Variants in FLNB observed in about 807,000 individuals in gnomAD.
The protein encoded by FLNB is filamin-B.
Under a neutral mutation model 250.6 loss-of-function variants are expected in FLNB, and 111 were observed. That is an observed-to-expected ratio of 0.44 (90% CI 0.38 to 0.52). The LOEUF (loss-of-function observed/expected upper bound fraction) is 0.52. Ranked by LOEUF, FLNB falls within the 20% of genes least tolerant of loss-of-function variation. The probability of loss-of-function intolerance (pLI) is 0.00; values close to 1 mark genes in which losing one functional copy is unlikely to be tolerated. For synonymous variants in FLNB, 1,302 were observed against 1,372.1 expected, an observed-to-expected ratio of 0.95 and a Z score of 1.13; for missense variants, 2,869 against 3,447.8, an observed-to-expected ratio of 0.83 and a Z score of 4.20.
chr3:58,027,947 A>G (rs1393867353), intron 1 of FLNB, among the ~76,000 whole-genome samples: 1 of 152,246 alleles, frequency 6.6e-6, no homozygotes, highest in Non-Finnish European at 1.5e-5. Flanking sequence ...AACATGAGGC[A>G]TACTCTCTTT....
At chr3:58,161,796 C>G (rs939007997) in intron 42 of FLNB, among the ~76,000 whole-genome samples, 2 of 151,918 alleles carry the variant, frequency 1.3e-5, no homozygotes, top group Non-Finnish European at 2.9e-5. Flanking sequence ...CTCTTGGTGG[C>G]AGGATGGCTG....
intron 1 of FLNB, among the ~76,000 whole-genome samples, chr3:58,076,276 GA>G (rs1227683703): frequency 2.0e-5 from 3 of 151,962 alleles, no homozygotes; most frequent in Non-Finnish European, 4.4e-5. Context: ...TTAATGAAAA[GA>G]AAAAAATTCC....
intron 29 of FLNB, 60 bp from the exon 30 acceptor site, chr3:58,141,798 G>C: frequency 6.9e-7 from 1 of 1,457,452 alleles, no homozygotes; most frequent in Non-Finnish European, 9.6e-7. Flanking sequence ...TGTGGTGGTA[G>C]TCTACTGAGT....
chr3:58,169,755 G>A lies in FLNB; in HGVS notation c.7583G>A (p.Gly2528Asp), dbSNP rs1000161236. 6.2e-7 allele frequency: 1 copy of A among 1,601,440 alleles called. No individual in the cohort carries two copies. Among genetic ancestry groups the A allele is most frequent in the African/African-American group, 1.3e-5 (1 of 74,544 alleles). Residue 2528 changes from glycine to aspartate, a missense_variant, in exon 45 of 46, where the codon GGC (glycine) becomes GAC (aspartate). Transcript: ENST00000295956. The surrounding 1 kb of genome is among the most constrained non-coding windows in gnomAD (Gnocchi z 4.8). Reference sequence around the variant, plus strand: ...GCAGGGCTCTCAAAGGCCTTTGTGGGCCAGAAGAGTTCCTTCCTGGTGGAC... The same window carrying A: ...GCAGGGCTCTCAAAGGCCTTTGTGGACCAGAAGAGTTCCTTCCTGGTGGAC... ...KGAGLSKAFV[G>D]QKSSFLVDCS...
intron 1 of FLNB, among the ~76,000 whole-genome samples, chr3:58,019,246 A>G (rs2097110286): frequency 6.6e-6 from 1 of 152,194 alleles, no homozygotes; most frequent in Non-Finnish European, 1.5e-5. Context: ...CCAACCACTA[A>G]TCAATGCTAT....
At chr3:58,050,023 T>C (rs1043572520) in intron 1 of FLNB, among the ~76,000 whole-genome samples, 1 of 20,986 alleles carries the variant, frequency 4.8e-5, no homozygotes, top group African/African-American at 2.1e-4. Flanking sequence ...GAAAATGCCT[T>C]TTTTTTTTTT....
In FLNB at chr3:58,123,175, C is replaced by T. The variant is rs201533113; in HGVS notation, c.3209C>T (p.Thr1070Ile). 38 of 1,614,072 alleles carry T rather than the reference C, an allele frequency of 2.4e-5. No homozygotes were observed. In the Admixed American group the frequency reaches 6.3e-4, roughly 27 times the overall value. ...EFTIDTKGAG[T>I]GGLGLTVEGP... ...ACCATCGATACCAAAGGAGCTGGTA[C>T]TGGAGGTCTGGGCTTAACGGTGGAA... The change falls in exon 21 of 46, where the codon ACT becomes ATT. Residue 1070 changes from threonine to isoleucine, a missense_variant. This residue lies in a region of FLNB where 1,348 missense variants were observed against 1,466.7 expected (regional missense o/e 0.92). Coordinates refer to ENST00000295956, the MANE Select transcript of FLNB (RefSeq NM_001457.4).
At chr3:58,070,439 G>A (rs1384739409) in intron 1 of FLNB, among the ~76,000 whole-genome samples, 1 of 152,144 alleles carries the variant, frequency 6.6e-6, no homozygotes, top group Non-Finnish European at 1.5e-5. Flanking sequence ...GAAAAATAAG[G>A]TTCAGAGATG....
At chr3:58,043,598 C>T (rs541718783) in intron 1 of FLNB, among the ~76,000 whole-genome samples, 11 of 152,162 alleles carry the variant, frequency 7.2e-5, no homozygotes, top group Non-Finnish European at 1.2e-4. Flanking sequence ...TCTCTCTCCT[C>T]ATCTCCAGTC....
rs191072304 is a variant in FLNB, at chr3:58,110,593, G to A, written c.2484+423G>A. Among the ~76,000 whole-genome samples the A allele has an allele frequency of 2.0e-5, 3 of 152,166 alleles. No homozygotes were observed. The East Asian group carries it at 5.8e-4, about 29-fold the overall frequency. ...AGCCTCCCAAGTAGCTGGGATTACAGGCCACCACGCCTGGCTAATTTTTTT... is the reference window on the plus strand; with the variant it reads ...AGCCTCCCAAGTAGCTGGGATTACAAGCCACCACGCCTGGCTAATTTTTTT... On this transcript the variant is annotated intron_variant, in intron 16 of 45. Coordinates refer to ENST00000295956, the MANE Select transcript of FLNB (RefSeq NM_001457.4).
intron 1 of FLNB, among the ~76,000 whole-genome samples, chr3:58,076,351 C>T (rs1351454748): frequency 6.6e-6 from 1 of 151,904 alleles, no homozygotes; most frequent in Non-Finnish European, 1.5e-5. Flanking sequence ...TACACACGTG[C>T]ACACACGCAT....
Position 58,134,746 on chromosome 3 carries a change from G to A in FLNB, c.4645G>A (p.Glu1549Lys). ...DFAIDARDAGEGLLAVQITDQ... is the reference protein window; with the variant it reads ...DFAIDARDAGKGLLAVQITDQ... Reference sequence around the variant, plus strand: ...TGCAATTGATGCCCGAGATGCCGGGGAAGGCCTGCTTGCTGTTCAAATAAC... The same window carrying A: ...TGCAATTGATGCCCGAGATGCCGGGAAAGGCCTGCTTGCTGTTCAAATAAC... The change falls in exon 27 of 46, where the codon GAA becomes AAA. Residue 1549 changes from glutamate to lysine, a missense_variant. Around this residue, in one of 5 missense-constraint regions of FLNB, gnomAD observed 126 missense variants for 182.0 expected, o/e 0.69. Transcript: ENST00000295956. 1 of 1,614,172 alleles carries A rather than the reference G, an allele frequency of 6.2e-7. No individual in the cohort carries two copies. Among genetic ancestry groups the A allele is most frequent in the South Asian group, 1.1e-5 (1 of 91,086 alleles).
chr3:58,080,546 G>A (rs183693644), intron 3 of FLNB, among the ~76,000 whole-genome samples: 7 of 149,588 alleles, frequency 4.7e-5, no homozygotes, highest in Admixed American at 6.7e-5. Context: ...ATAGGCTGGA[G>A]TGCAGTGGCA....
rs79738594 is a variant in FLNB at position 58,039,373 on chromosome 3, G to A, written c.292+30517G>A. Among the ~76,000 whole-genome samples the A allele has an allele frequency of 5.2e-3, 793 of 151,652 alleles. 6 individuals are homozygous for A. The highest frequency in any genetic ancestry group is 0.018 in the African/African-American group (748 of 41,368). On this transcript the variant is annotated intron_variant, in intron 1 of 45. Coordinates refer to ENST00000295956, the MANE Select transcript of FLNB (RefSeq NM_001457.4). ...CTTGAGCAAATTTTTAATGGAAAACGGTGTCTTGGTTCTCTGTTCACTACA... is the reference window on the plus strand; with the variant it reads ...CTTGAGCAAATTTTTAATGGAAAACAGTGTCTTGGTTCTCTGTTCACTACA...
chr3:58,044,091 GGGAGAACCTGATTCGGCTT>G (rs2097150052), intron 1 of FLNB, among the ~76,000 whole-genome samples: 1 of 152,200 alleles, frequency 6.6e-6, no homozygotes, highest in Admixed American at 6.5e-5. Flanking sequence ...AGAGACCTCA[GGGAGAACCTGATTCGGCTT>G]GGATTGAGTC....
chr3:58,051,620 T>C (rs1370675450), intron 1 of FLNB, among the ~76,000 whole-genome samples: 2 of 152,144 alleles, frequency 1.3e-5, no homozygotes, highest in Non-Finnish European at 2.9e-5. Context: ...AAATTGCTGA[T>C]ACTCCAGCCC....
rs200349286 is a variant in FLNB at position 58,134,771 on chromosome 3, C to T, written c.4670C>T (p.Thr1557Met). ...AGEGLLAVQI[T>M]DQEGKPKRAI... ...GAAGGCCTGCTTGCTGTTCAAATAA[C>T]GGTAACTTGGAGTTATTTTCTGAGC... is the stretch of plus-strand genomic sequence containing the variant. Residue 1557 changes from threonine to methionine, a missense_variant and splice_region_variant, in exon 27 of 46, where the codon ACG (threonine) becomes ATG (methionine). Thr to Met is a moderately conservative substitution (Grantham distance 81). Transcript: ENST00000295956. The T allele has an allele frequency of 3.3e-5, 54 of 1,613,620 alleles. No homozygotes were observed. Among genetic ancestry groups the T allele is most frequent in the East Asian group, 2.2e-4 (10 of 44,890 alleles).
chr3:58,030,813 C>T (rs754588862), intron 1 of FLNB, among the ~76,000 whole-genome samples: 1 of 152,008 alleles, frequency 6.6e-6, no homozygotes, highest in African/African-American at 2.4e-5. Flanking sequence ...ACAGAGGTTG[C>T]GGTGAGGTTG....
At chr3:58,051,566 T>C (rs1394143523) in intron 1 of FLNB, among the ~76,000 whole-genome samples, 2 of 152,226 alleles carry the variant, frequency 1.3e-5, no homozygotes, top group Non-Finnish European at 2.9e-5. Flanking sequence ...TGAGGTCTAG[T>C]TGCACACAGT....
Sources: gnomAD v4.1 joint callset for allele counts (sites outside exome capture counted in the v4.1 genomes callset) on GRCh38, gnomAD v4.1.1 for gene constraint, gnomAD v4.1.1 regional missense constraint, Gnocchi (gnomAD v3.1) non-coding constraint, MANE v1.5 for transcripts, NCBI Gene and HGNC (gene_info 2026-07-23, HGNC 2026-07-21) for gene names.